USP54: variants seen among roughly 807,000 people sequenced by gnomAD.
The protein encoded by USP54 is ubiquitin carboxyl-terminal hydrolase 54.
Under a neutral mutation model 170.5 loss-of-function variants are expected in USP54, and 87 were observed. The ratio of observed to expected loss-of-function variants is 0.51; its 90% CI spans 0.43 to 0.61. The LOEUF is 0.61. Among genes scored for constraint, USP54 ranks in the 20% least tolerant of loss-of-function variants. USP54 has a pLI of 0.00. For missense variants in USP54, 1,786 were observed against 2,047.8 expected (o/e 0.87, Z 2.47); for synonymous variants, 655 against 742.8 (o/e 0.88, Z 1.92).
intron 19 of USP54, 143 bp downstream of exon 19, chr10:73,519,654 T>C (rs1271361982): frequency 1.5e-6 from 2 of 1,291,592 alleles, no homozygotes; most frequent in Non-Finnish European, 2.1e-6. Context: ...TTTCACTGTA[T>C]GTCTGACCTG....
chr10:73,515,054 AT>A (rs1298777849), intron 20 of USP54, among the ~76,000 whole-genome samples: 2 of 152,010 alleles, frequency 1.3e-5, no homozygotes, highest in Non-Finnish European at 2.9e-5. Context: ...AAAAAAAAAA[AT>A]GAATAAAAAA....
At chr10:73,513,604 G>A (rs2060567987) in intron 20 of USP54, 1 of 152,102 alleles carries the variant, frequency 6.6e-6, no homozygotes, top group Non-Finnish European at 1.5e-5. Context: ...GATATAACAT[G>A]AGAAAGTCAT....
intron 16 of USP54, 105 bp downstream of exon 16, chr10:73,526,542 C>T (rs780192022): frequency 1.9e-5 from 29 of 1,510,436 alleles, no homozygotes; most frequent in South Asian, 3.8e-5. Flanking sequence ...CCACCGCGCC[C>T]GGCCTGTAAC....
At chr10:73,624,771 T>C (rs191531608) in intron 1 of USP54, among the ~76,000 whole-genome samples, 1 of 152,336 alleles carries the variant, frequency 6.6e-6, no homozygotes, top group African/African-American at 2.4e-5. Flanking sequence ...CTAGATGTTT[T>C]CCCCTCTGTG....
At chr10:73,505,534 T>C in intron 20 of USP54, 108 bp from the exon 21 acceptor site, 1 of 842,170 alleles carries the variant, frequency 1.2e-6, no homozygotes, top group Admixed American at 2.5e-5. Flanking sequence ...TAATAATAAA[T>C]ATGCATCCTT....
At chr10:73,571,581 TCAAA>T in intron 3 of USP54, 68 bp from the exon 4 acceptor site, 3 of 1,284,888 alleles carry the variant, frequency 2.3e-6, no homozygotes, top group Middle Eastern at 3.7e-4. Context: ...AGTAAAGAGT[TCAAA>T]CAAACATAGG....
chr10:73,571,697 G>A (rs1404967823), intron 3 of USP54, among the ~76,000 whole-genome samples, 184 bp from the exon 4 acceptor site: 1 of 151,984 alleles, frequency 6.6e-6, no homozygotes, highest in Admixed American at 6.6e-5. Context: ...AAAAATAAAT[G>A]GTCATATTCT....
intron 4 of USP54, among the ~76,000 whole-genome samples, chr10:73,547,267 T>C (rs1480556460): frequency 6.6e-6 from 1 of 152,068 alleles, no homozygotes; most frequent in African/African-American, 2.4e-5. Context: ...CCCAGCATGG[T>C]GGTGCATGCC....
chr10:73,523,566 A>G lies in USP54; in HGVS notation c.2362+17T>C. 6.3e-7 allele frequency: 1 copy of G among 1,581,610 alleles called. No individual in the cohort carries two copies. Among genetic ancestry groups the G allele is most frequent in the East Asian group, 2.3e-5 (1 of 44,374 alleles). On this transcript the variant is annotated intron_variant, in intron 17 of 23. Coordinates refer to ENST00000687698, the MANE Select transcript of USP54 (RefSeq NM_001391956.1). ...GTCTGTCCCCATCACCCACAACCTA[A>G]TGCTCACAACAATTACCCTGATTCT... is the stretch of plus-strand genomic sequence containing the variant.
chr10:73,532,307 G>A (rs1056738732), intron 12 of USP54, among the ~76,000 whole-genome samples: 2 of 152,066 alleles, frequency 1.3e-5, no homozygotes, highest in Admixed American at 1.3e-4. Flanking sequence ...TGAGTAGCTG[G>A]GACTACAGAC....
chr10:73,575,731 A>C, intron 2 of USP54, 56 bp from the exon 3 acceptor site: 2 of 1,467,614 alleles, frequency 1.4e-6, no homozygotes, highest in Non-Finnish European at 1.8e-6. Context: ...TCTGTCTGCT[A>C]AAGTTCTAAA....
At chr10:73,616,294 C>T (rs1200245429) in intron 1 of USP54, among the ~76,000 whole-genome samples, 4 of 136,946 alleles carry the variant, frequency 2.9e-5, no homozygotes, top group East Asian at 4.2e-4. Context: ...GCCGAGATTG[C>T]GCCACTGCAC....
chr10:73,504,913 T>C lies in USP54; in HGVS notation c.4248A>G (p.Ser1416=). The part of the protein sequence containing the change: ...QYSAENLRRI[S]RSLSGTVVSE... ...AGACAACGGTGCCACTGAGACTGCG[T>C]GAGATGCGACGTAAATTCTCTGCAC... The change falls in exon 22 of 24, where the codon TCA becomes TCG. Residue 1416 remains serine, a synonymous_variant. Coordinates refer to ENST00000687698, the MANE Select transcript of USP54 (RefSeq NM_001391956.1). 1 of 1,614,018 alleles carries C rather than the reference T, an allele frequency of 6.2e-7. No homozygotes were observed. The highest frequency in any genetic ancestry group is 8.5e-7 in the Non-Finnish European group (1 of 1,179,966).
intron 5 of USP54, among the ~76,000 whole-genome samples, chr10:73,545,302 G>A (rs2067539728): frequency 6.6e-6 from 1 of 152,170 alleles, no homozygotes; most frequent in African/African-American, 2.4e-5. Context: ...TGGATCCTCT[G>A]AAGGTGAGAG....
chr10:73,528,042 T>A lies in USP54; in HGVS notation c.2061-1262A>T, dbSNP rs528105312. On this transcript the variant is annotated intron_variant, in intron 15 of 23. Transcript: ENST00000687698. ...ACTCCGCCTCCCGGGTTCAAGTGAT[T>A]CTCCTGCCTCAGCCTCCAGAGTAGC... Among the ~76,000 whole-genome samples the A allele has an allele frequency of 1.6e-4, 25 of 152,024 alleles. No homozygotes were observed. The South Asian group carries it at 5.2e-3, about 32-fold the overall frequency.
chr10:73,528,386 G>A (rs190342374), intron 15 of USP54, among the ~76,000 whole-genome samples: 66 of 151,258 alleles, frequency 4.4e-4, no homozygotes, highest in Middle Eastern at 3.5e-3. Context: ...CAAGTAGCTG[G>A]GATTACAGGC....
At chr10:73,568,907 C>T (rs370027253) in intron 4 of USP54, among the ~76,000 whole-genome samples, 5 of 152,282 alleles carry the variant, frequency 3.3e-5, no homozygotes, top group African/African-American at 9.6e-5. Flanking sequence ...CTTCATCTTT[C>T]TGGCTTATAT....
At chr10:73,620,321 A>AAAG (rs1554954743) in intron 1 of USP54, among the ~76,000 whole-genome samples, 6 of 148,292 alleles carry the variant, frequency 4.0e-5, no homozygotes, top group Admixed American at 6.6e-5. Context: ...TCAAAAAAAA[A>AAAG]AAAGAAAGAA....
chr10:73,582,948 G>A (rs1014425748), intron 1 of USP54, among the ~76,000 whole-genome samples: 1 of 152,098 alleles, frequency 6.6e-6, no homozygotes, highest in African/African-American at 2.4e-5. Flanking sequence ...AATACATATT[G>A]ACATCATGAA....
Sources: allele counts gnomAD v4.1 joint callset (sites outside exome capture counted in the v4.1 genomes callset), GRCh38; gene constraint gnomAD v4.1.1; transcripts MANE v1.5; gene names NCBI Gene and HGNC (gene_info 2026-07-23, HGNC 2026-07-21).